Variants in DIDO1 observed in about 807,000 individuals in gnomAD.
DIDO1 encodes death inducer-obliterator 1.
DIDO1 carries 16 observed loss-of-function variants against 99.4 expected under a neutral mutation model. The ratio of observed to expected loss-of-function variants is 0.16; its 90% confidence interval spans 0.11 to 0.24. DIDO1 has a LOEUF of 0.24. DIDO1 is among the 10% of genes least tolerant of loss of function. DIDO1 has a pLI of 1.00. For synonymous variants in DIDO1, 1,366 were observed against 1,239.1 expected (o/e 1.10, Z -2.15); for missense variants, 2,996 against 3,014.0 (o/e 0.99, Z 0.14).
At chr20:62,908,296 G>C (rs913274517) in intron 4 of DIDO1, among the ~76,000 whole-genome samples, 1 of 152,122 alleles carries the variant, frequency 6.6e-6, no homozygotes, top group African/African-American at 2.4e-5. Context: ...CACTTATACA[G>C]TAAAAAACAG....
chr20:62,894,121 GTCT>G lies in DIDO1; in HGVS notation c.2643_2645del (p.Glu881del), dbSNP rs1568843817. 6.2e-7 allele frequency: 1 copy of G among 1,614,218 alleles called. No individual in the cohort carries two copies. Among genetic ancestry groups the G allele is most frequent in the East Asian group, 2.2e-5 (1 of 44,890 alleles). Reference sequence around the variant, plus strand: ...CAGAGCTGTCATGCTTTGATTTTAAGTCTTCTTTCTTAACAGAAGCTGACAATT... The same window carrying G: ...CAGAGCTGTCATGCTTTGATTTTAAGTCTTTCTTAACAGAAGCTGACAATT... On this transcript the variant is annotated inframe_deletion, in exon 12 of 16. Transcript: ENST00000395343. This position sits in a 1 kb window ranked among gnomAD's most constrained non-coding sequence, Gnocchi z 4.4.
chr20:62,922,450 G>A (rs2273412), intron 1 of DIDO1, among the ~76,000 whole-genome samples: 24,478 of 151,914 alleles, frequency 0.16, 2,426 homozygotes, highest in East Asian at 0.28. Flanking sequence ...GCTCACTCAA[G>A]GGGGAACCTG....
intron 15 of DIDO1, among the ~76,000 whole-genome samples, chr20:62,883,828 A>AAAAAC (rs1355020575): frequency 1.3e-5 from 2 of 152,024 alleles, no homozygotes; most frequent in Non-Finnish European, 2.9e-5. Flanking sequence ...TCTGTCTCAA[A>AAAAAC]AAAACAAAAC....
upstream of DIDO1, among the ~76,000 whole-genome samples, chr20:62,929,695 G>GAAAAAAAAAA (rs2065308341): frequency 1.0e-5 from 1 of 97,972 alleles, no homozygotes; most frequent in African/African-American, 4.6e-5. Flanking sequence ...AAGAAAAAGT[G>GAAAAAAAAAA]TATATATATA....
In DIDO1 at chr20:62,880,474, G is replaced by A. The variant is rs1600897264; in HGVS notation, c.5482C>T (p.Pro1828Ser). The A allele has an allele frequency of 6.2e-7, 1 of 1,612,988 alleles. No individual in the cohort carries two copies. The highest frequency in any genetic ancestry group is 8.5e-7 in the Non-Finnish European group (1 of 1,180,010). Residue 1828 changes from proline (P) to serine (S), a missense_variant, in exon 16 of 16, where the codon CCC becomes TCC. By Grantham distance (74) the Pro-to-Ser change is moderately conservative. Transcript: ENST00000395343. ...PPYGDSRGPS[P>S]SYLGGPRGVA... ...CCTCGTGGTCCACCAAGGTAAGAGG[G>A]TGAGGGGCCTCTGCTGTCCCCATAA...
upstream of DIDO1, among the ~76,000 whole-genome samples, chr20:62,929,694 T>TATATATATATATATA (rs1568894301): frequency 1.2e-5 from 1 of 81,736 alleles, no homozygotes; most frequent in Non-Finnish European, 2.2e-5. Flanking sequence ...AAAGAAAAAG[T>TATATATATATATATA]GTATATATAT....
rs374995629 is a variant in DIDO1, at chr20:62,885,162, TTCTGTAAGCCGGGC to T, written c.3542-2762_3542-2749del. On this transcript the variant is annotated intron_variant, in intron 15 of 15. Transcript: ENST00000395343. Reference sequence around the variant, plus strand: ...GAAGGGCACTGAGGCTCAGGCTGAGTTCTGTAAGCCGGGCTCTGTAAGCCAGGCCCTCTGCCTGC... The same window carrying T: ...GAAGGGCACTGAGGCTCAGGCTGAGTTCTGTAAGCCAGGCCCTCTGCCTGC... Among the ~76,000 whole-genome samples the T allele has an allele frequency of 4.3e-4, 65 of 152,164 alleles. No individual in the cohort carries two copies. The East Asian group carries it at 8.7e-3, about 20-fold the overall frequency.
At chr20:62,884,710 C>T (rs2147362139) in intron 15 of DIDO1, among the ~76,000 whole-genome samples, 1 of 152,328 alleles carries the variant, frequency 6.6e-6, no homozygotes, top group East Asian at 1.9e-4. Context: ...CAGCCTGCTC[C>T]ACGGGACACT....
chr20:62,928,614 A>G (rs2065291119), upstream of DIDO1: 1 of 152,390 alleles, frequency 6.6e-6, no homozygotes, highest in South Asian at 2.1e-4. Context: ...CTCCACTAGC[A>G]AAAGAATACT....
chr20:62,902,702 C>G (rs2064711022), intron 6 of DIDO1, among the ~76,000 whole-genome samples: 1 of 152,216 alleles, frequency 6.6e-6, no homozygotes, highest in Middle Eastern at 3.2e-3. Flanking sequence ...ATCTCTGTGG[C>G]AGCACGTGGG....
chr20:62,906,134 A>AG (rs1568862401), intron 5 of DIDO1, 34 bp from the exon 6 acceptor site: 1 of 1,587,506 alleles, frequency 6.3e-7, no homozygotes, highest in Non-Finnish European at 8.6e-7. Flanking sequence ...ATCATTAAAA[A>AG]GGTAAGAAAT....
chr20:62,890,893 C>T, intron 15 of DIDO1, 67 bp downstream of exon 15: 1 of 1,611,896 alleles, frequency 6.2e-7, no homozygotes. Flanking sequence ...CTCAGCAGGG[C>T]ATGTCAGTGG....
intron 1 of DIDO1, among the ~76,000 whole-genome samples, chr20:62,921,858 C>T (rs1035046079): frequency 2.7e-5 from 4 of 149,414 alleles, no homozygotes; most frequent in Non-Finnish European, 4.4e-5. Context: ...CTACATATAC[C>T]CGCTATATAT....
At position 62,911,296 on chromosome 20, in the gene DIDO1, T is replaced by C. The variant is rs746899684; in HGVS notation, c.317A>G (p.Asp106Gly). The C allele has an allele frequency of 1.2e-6, 2 of 1,611,362 alleles. No individual in the cohort carries two copies. Among genetic ancestry groups the C allele is most frequent in the Non-Finnish European group, 1.7e-6 (2 of 1,179,990 alleles). The change falls in exon 3 of 16, where the codon GAC (aspartate) becomes GGC (glycine). Residue 106 changes from aspartate (D) to glycine (G), a missense_variant. This residue lies in a region of DIDO1 where 388 missense variants were observed against 376.6 expected (regional missense o/e 1.03). Coordinates refer to ENST00000395343, the MANE Select transcript of DIDO1 (RefSeq NM_001193369.2). This position sits in a 1 kb window ranked among gnomAD's most constrained non-coding sequence, Gnocchi z 7.0. ...SGEPTSCPAT[D>G]AETASEGSVE... is the part of the protein sequence containing the mutation. Reference sequence around the variant, plus strand: ...GCTGCCCTCGGAGGCTGTCTCGGCGTCTGTGGCGGGGCAGGACGTGGGCTC... The same window carrying C: ...GCTGCCCTCGGAGGCTGTCTCGGCGCCTGTGGCGGGGCAGGACGTGGGCTC...
chr20:62,927,996 GCTCT>G (rs895490894), upstream of DIDO1, among the ~76,000 whole-genome samples: 1 of 152,228 alleles, frequency 6.6e-6, no homozygotes, highest in African/African-American at 2.4e-5. Flanking sequence ...TCTTGGGCAA[GCTCT>G]CTGTTAAAGG....
In DIDO1 at chr20:62,880,441, G is replaced by A. The variant is rs754447888; in HGVS notation, c.5515C>T (p.Pro1839Ser). The A allele has an allele frequency of 2.5e-6, 4 of 1,612,762 alleles. No homozygotes were observed. Among genetic ancestry groups the A allele is most frequent in the Admixed American group, 1.7e-5 (1 of 60,010 alleles). Residue 1839 changes from proline (P) to serine (S), a missense_variant, in exon 16 of 16, where the codon CCA becomes TCA. Coordinates refer to ENST00000395343, the MANE Select transcript of DIDO1 (RefSeq NM_001193369.2). ...TCCTTGCGTTCTTCAAATTGGGATG[G>A]TGCCACTCCTCGTGGTCCACCAAGG... is the stretch of plus-strand genomic sequence containing the variant. ...SYLGGPRGVA[P>S]SQFEERKDPH...
intron 12 of DIDO1, among the ~76,000 whole-genome samples, chr20:62,893,241 G>T (rs1405691335): frequency 6.6e-6 from 1 of 152,188 alleles, no homozygotes; most frequent in Non-Finnish European, 1.5e-5. Flanking sequence ...GCTCAGGCTG[G>T]TTTCAAACTC....
Position 62,894,569 on chromosome 20 carries a change from A to G in DIDO1, c.2437-21T>C, listed in dbSNP as rs1176059721. 1 of 1,601,874 alleles carries G rather than the reference A, an allele frequency of 6.2e-7. No individual in the cohort carries two copies. Among genetic ancestry groups the G allele is most frequent in the Non-Finnish European group, 8.5e-7 (1 of 1,176,404 alleles). ...TGTTCCTAAAAAAGAAAAAGAAAAA[A>G]AAGTGAGGTCGTTTCTTCTCCAAAC... On this transcript the variant is annotated intron_variant, in intron 10 of 15. Coordinates refer to ENST00000395343, the MANE Select transcript of DIDO1 (RefSeq NM_001193369.2). The surrounding 1 kb of genome is among the most constrained non-coding windows in gnomAD (Gnocchi z 4.4).
At chr20:62,886,447 C>T (rs1195500895) in intron 15 of DIDO1, among the ~76,000 whole-genome samples, 1 of 152,172 alleles carries the variant, frequency 6.6e-6, no homozygotes, top group African/African-American at 2.4e-5. Context: ...AGGAAAAGAA[C>T]TCAAGAAACT....
Sources: allele counts gnomAD v4.1 joint callset (sites outside exome capture counted in the v4.1 genomes callset), GRCh38; gene constraint gnomAD v4.1.1; regional missense constraint gnomAD v4.1.1; non-coding constraint Gnocchi (gnomAD v3.1); transcripts MANE v1.5; gene names NCBI Gene and HGNC (gene_info 2026-07-23, HGNC 2026-07-21).